The following PTAFR variants were observed in gnomAD, a reference collection of about 807,000 sequenced individuals.
PTAFR encodes the protein platelet activating factor receptor, also known as platelet-activating factor receptor.
PTAFR carries 8 observed loss-of-function variants against 14.7 expected under a neutral mutation model. That is an observed-to-expected ratio of 0.54 (90% CI 0.32 to 0.98). The LOEUF (loss-of-function observed/expected upper bound fraction) is 0.98, where lower values mean the gene tolerates loss of function less well. PTAFR is among the 50% of genes least tolerant of loss of function. The pLI, the probability that PTAFR is intolerant of heterozygous loss-of-function variation, is 0.04. For missense variants in PTAFR, 337 were observed against 451.2 expected (o/e 0.75, Z 2.29); for synonymous variants, 156 against 176.5 (o/e 0.88, Z 0.92).
In PTAFR at chr1:28,147,942, C is replaced by T. The variant is rs557074358; in HGVS notation, c.*2051G>A. On this transcript the variant is annotated 3_prime_UTR_variant, in exon 2 of 2. Transcript: ENST00000373857. ...TGCTGCACTAGCCACCGGGTCATCC[C>T]ATCAGCCAAGTCCAGCCCACAGCTA... 8 of 152,556 alleles carry T rather than the reference C, an allele frequency of 5.2e-5. No individual in the cohort carries two copies. Among genetic ancestry groups the T allele is most frequent in the African/African-American group, 1.9e-4 (8 of 41,554 alleles). 9.5% of individuals were successfully genotyped at this position (152,556 alleles called of 1,614,324 possible).
upstream of PTAFR, among the ~76,000 whole-genome samples, chr1:28,179,320 C>T (rs1260236684): frequency 6.6e-6 from 1 of 152,228 alleles, no homozygotes; most frequent in African/African-American, 2.4e-5. Flanking sequence ...GAACTGTTGG[C>T]TCGGCCTGCC....
At chr1:28,162,689 G>A (rs1646337141) in intron 1 of PTAFR, among the ~76,000 whole-genome samples, 1 of 152,006 alleles carries the variant, frequency 6.6e-6, no homozygotes, top group Non-Finnish European at 1.5e-5. Context: ...AGCCAGGCAT[G>A]GTGGTGGGTG....
chr1:28,163,332 G>A (rs1426020340), intron 1 of PTAFR, among the ~76,000 whole-genome samples: 1 of 152,158 alleles, frequency 6.6e-6, no homozygotes, highest in Non-Finnish European at 1.5e-5. Flanking sequence ...GTCAGACTGG[G>A]CACTTCCTGA....
At chr1:28,189,449 T>C (rs1646633312) in intron 1 of PTAFR, among the ~76,000 whole-genome samples, 1 of 151,468 alleles carries the variant, frequency 6.6e-6, no homozygotes, top group Admixed American at 6.6e-5. Flanking sequence ...CCATCTCTAC[T>C]TTTTAATACA....
chr1:28,184,092 T>G (rs1187417133), intron 1 of PTAFR, among the ~76,000 whole-genome samples: 2 of 130,570 alleles, frequency 1.5e-5, no homozygotes, highest in African/African-American at 2.9e-5. Flanking sequence ...GTTTTTTTTT[T>G]TTTTTTTTTT....
intron 1 of PTAFR, among the ~76,000 whole-genome samples, chr1:28,165,403 C>CA (rs36099131): frequency 0.022 from 1,004 of 45,212 alleles, 25 homozygotes; most frequent in South Asian, 0.061. Flanking sequence ...GACTCTGTCT[C>CA]AAAAAAAAAA....
intron 1 of PTAFR, among the ~76,000 whole-genome samples, chr1:28,185,714 G>A (rs996493815): frequency 1.8e-4 from 28 of 152,108 alleles, no homozygotes; most frequent in African/African-American, 6.0e-4. Context: ...AAAAGGTTAC[G>A]AAGATTGGGA....
At chr1:28,151,817 CCTG>C (rs1435385943) in intron 1 of PTAFR, among the ~76,000 whole-genome samples, 2 of 152,164 alleles carry the variant, frequency 1.3e-5, no homozygotes, top group African/African-American at 4.8e-5. Context: ...AGACACTAAA[CCTG>C]CTGGTGCCTT....
chr1:28,180,014 AAAAC>A (rs1183111244), upstream of PTAFR, among the ~76,000 whole-genome samples: 1 of 151,836 alleles, frequency 6.6e-6, no homozygotes, highest in Non-Finnish European at 1.5e-5. Flanking sequence ...CTTGAACACA[AAAAC>A]AAACAGAGGG....
upstream of PTAFR, among the ~76,000 whole-genome samples, chr1:28,180,491 G>A (rs1430266144): frequency 6.6e-5 from 10 of 152,234 alleles, no homozygotes; most frequent in East Asian, 1.2e-3. Context: ...ACATCTTATC[G>A]GCACCGCCAG....
intron 1 of PTAFR, among the ~76,000 whole-genome samples, chr1:28,161,176 G>T (rs912933645): frequency 6.6e-6 from 1 of 152,112 alleles, no homozygotes; most frequent in Non-Finnish European, 1.5e-5. Flanking sequence ...AGCTCCACCC[G>T]CGGTCTGGTT....
At chr1:28,185,298 G>T (rs1646597328) in intron 1 of PTAFR, among the ~76,000 whole-genome samples, 1 of 152,164 alleles carries the variant, frequency 6.6e-6, no homozygotes, top group Admixed American at 6.6e-5. Flanking sequence ...GAGAGGAAGT[G>T]ATTTATCCAA....
upstream of PTAFR, among the ~76,000 whole-genome samples, chr1:28,180,496 C>A (rs879588055): frequency 6.6e-6 from 1 of 152,298 alleles, no homozygotes; most frequent in East Asian, 1.9e-4. Context: ...TTATCGGCAC[C>A]GCCAGTTGGC....
chr1:28,182,112 GA>G (rs538922518), intron 1 of PTAFR, among the ~76,000 whole-genome samples: 61 of 151,314 alleles, frequency 4.0e-4, no homozygotes, highest in African/African-American at 1.5e-3. Context: ...GAGGTGGGTG[GA>G]TCACTTGAAG....
chr1:28,150,577 C>T lies in PTAFR; in HGVS notation c.445G>A (p.Ala149Thr), dbSNP rs1646172574. ...GAGTCCAGGATGAGGAAGTAGGATGCAGCTCCCACAATGGCCACCCAGATG... is the reference window on the plus strand; with the variant it reads ...GAGTCCAGGATGAGGAAGTAGGATGTAGCTCCCACAATGGCCACCCAGATG... ...LVIWVAIVGAASYFLILDSTN... is the reference protein window; with the variant it reads ...LVIWVAIVGATSYFLILDSTN... Residue 149 changes from alanine to threonine, a missense_variant, in exon 2 of 2, where the codon GCA (alanine) becomes ACA (threonine). Ala to Thr is a moderately conservative substitution (Grantham distance 58). Coordinates refer to ENST00000373857, the MANE Select transcript of PTAFR (RefSeq NM_000952.5). The surrounding 1 kb of genome is among the most constrained non-coding windows in gnomAD (Gnocchi z 6.3). The T allele has an allele frequency of 1.2e-5, 19 of 1,614,086 alleles. No homozygotes were observed. The highest frequency in any genetic ancestry group is 1.6e-5 in the Non-Finnish European group (19 of 1,180,048).
rs78221516 is a variant in PTAFR, at chr1:28,170,237, C to T, written c.-39+6355G>A. Among the ~76,000 whole-genome samples, 398 of 152,304 alleles carry T rather than the reference C, an allele frequency of 2.6e-3. 9 individuals carry two copies. In the East Asian group the frequency reaches 0.06, roughly 23 times the overall value. ...CCAATACCCATCACAGGGCCTCCTA[C>T]ATAGCAAACACATGAGAAATACTGA... On this transcript the variant is annotated intron_variant, in intron 1 of 1. Coordinates refer to ENST00000373857, the MANE Select transcript of PTAFR (RefSeq NM_000952.5).
intron 1 of PTAFR, among the ~76,000 whole-genome samples, chr1:28,176,382 G>A (rs1009020978): frequency 1.4e-5 from 2 of 147,556 alleles, no homozygotes; most frequent in African/African-American, 5.0e-5. Flanking sequence ...GGTCCAGGCT[G>A]CAGCGAGCCA....
intron 1 of PTAFR, among the ~76,000 whole-genome samples, chr1:28,151,896 GT>G (rs1646193682): frequency 6.6e-6 from 1 of 151,358 alleles, no homozygotes; most frequent in African/African-American, 2.4e-5. Context: ...TCTTTTCTTT[GT>G]TTTTTGCTTT....
chr1:28,181,742 C>T (rs1450781541), intron 1 of PTAFR, among the ~76,000 whole-genome samples: 3 of 149,890 alleles, frequency 2.0e-5, no homozygotes, highest in African/African-American at 7.4e-5. Flanking sequence ...AACTCCATCT[C>T]AAAAAAATAA....
Sources: allele counts gnomAD v4.1 joint callset (sites outside exome capture counted in the v4.1 genomes callset), GRCh38; gene constraint gnomAD v4.1.1; non-coding constraint Gnocchi (gnomAD v3.1); transcripts MANE v1.5; gene names NCBI Gene and HGNC (gene_info 2026-07-23, HGNC 2026-07-21).